Variants in SRGAP1 observed in about 807,000 individuals in gnomAD.
SRGAP1 encodes the protein SLIT-ROBO Rho GTPase-activating protein 1.
In SRGAP1, 43 loss-of-function variants were observed where a neutral mutation model predicts 121.9. The ratio of observed to expected loss-of-function variants is 0.35; its 90% CI spans 0.28 to 0.46. SRGAP1 has a LOEUF of 0.46. SRGAP1 is among the 20% of genes least tolerant of loss of function. The probability of loss-of-function intolerance (pLI) is 1.00; values close to 1 mark genes in which losing one functional copy is unlikely to be tolerated. For missense variants in SRGAP1, 1,102 were observed against 1,350.9 expected, an observed-to-expected ratio of 0.82 and a Z score of 2.89; for synonymous variants, 447 against 485.4, an observed-to-expected ratio of 0.92 and a Z score of 1.04.
At position 64,018,238 on chromosome 12, in the gene SRGAP1, G is replaced by A. The variant is rs567315487; in HGVS notation, c.489+1226G>A. Among the ~76,000 whole-genome samples the A allele has an allele frequency of 1.2e-3, 183 of 152,104 alleles. 1 individual carries two copies. The highest frequency in any genetic ancestry group is 3.7e-3 in the Admixed American group (57 of 15,268). On this transcript the variant is annotated intron_variant, in intron 4 of 21. Coordinates refer to ENST00000355086, the MANE Select transcript of SRGAP1 (RefSeq NM_020762.4). ...AGAGTAGCTGGGATTACAGGCATGC[G>A]CCAGCATGCCTGGCAAATTTTTTTG...
chr12:63,989,818 G>T, intron 2 of SRGAP1, 92 bp from the exon 3 acceptor site: 1 of 913,864 alleles, frequency 1.1e-6, no homozygotes, highest in Non-Finnish European at 1.7e-6. Context: ...GTATCCATCT[G>T]TTGTGGTTCT....
At chr12:63,876,687 T>G (rs1013364275) in intron 1 of SRGAP1, among the ~76,000 whole-genome samples, 3 of 152,222 alleles carry the variant, frequency 2.0e-5, no homozygotes, top group African/African-American at 7.2e-5. Context: ...TACGCTCATG[T>G]TGACTTCTAA....
At chr12:63,858,286 C>T (rs1338065671) in intron 1 of SRGAP1, among the ~76,000 whole-genome samples, 1 of 151,068 alleles carries the variant, frequency 6.6e-6, no homozygotes, top group African/African-American at 2.4e-5. Flanking sequence ...AAAAAACAGA[C>T]CTATGATTTT....
At chr12:63,980,155 C>T (rs1032048649) in intron 1 of SRGAP1, among the ~76,000 whole-genome samples, 2 of 152,182 alleles carry the variant, frequency 1.3e-5, no homozygotes, top group African/African-American at 2.4e-5. Flanking sequence ...AGGGCTCAAG[C>T]GATCCTTGCA....
chr12:63,907,865 G>C (rs1182903826), intron 1 of SRGAP1, among the ~76,000 whole-genome samples: 2 of 152,138 alleles, frequency 1.3e-5, no homozygotes, highest in Non-Finnish European at 2.9e-5. Context: ...CTCTGATTTT[G>C]TGTTGATTTT....
intron 1 of SRGAP1, among the ~76,000 whole-genome samples, chr12:63,856,378 C>A (rs1318709706): frequency 6.6e-6 from 1 of 152,060 alleles, no homozygotes; most frequent in Non-Finnish European, 1.5e-5. Context: ...TTTAAATAAT[C>A]CTTCCCCACT....
At position 64,032,387 on chromosome 12, in the gene SRGAP1, C is replaced by A. The variant is rs553798317; in HGVS notation, c.490-10403C>A. 6.1e-6 allele frequency: 3 copies of A among 492,376 alleles called. No individual in the cohort carries two copies. The East Asian group carries it at 1.1e-4, about 19-fold the overall frequency. The allele number at this position is 492,376 out of a possible 1,614,324, so 30.5% of individuals were successfully genotyped here. A position where few individuals can be genotyped will look rare whatever the true frequency, so the allele number is the denominator to read the frequency against. On this transcript the variant is annotated intron_variant, in intron 4 of 21. Transcript: ENST00000355086. ...AGTATGAGATACTTTCATTTTTTTA[C>A]AAATAGTTAAAAACTCTGCCTCATC... is the stretch of plus-strand genomic sequence containing the variant.
At chr12:63,955,907 GATT>G (rs1459588378) in intron 1 of SRGAP1, among the ~76,000 whole-genome samples, 1 of 152,126 alleles carries the variant, frequency 6.6e-6, no homozygotes, top group Non-Finnish European at 1.5e-5. Flanking sequence ...GTACAGTTCT[GATT>G]ATAAATCACT....
intron 4 of SRGAP1, among the ~76,000 whole-genome samples, chr12:64,034,147 C>G (rs1186440841): frequency 2.0e-5 from 3 of 152,120 alleles, no homozygotes; most frequent in Non-Finnish European, 4.4e-5. Context: ...GGAGGTGGGA[C>G]CTGGTGGGAG....
At chr12:63,918,827 TGTG>T (rs1369374911) in intron 1 of SRGAP1, among the ~76,000 whole-genome samples, 1 of 152,186 alleles carries the variant, frequency 6.6e-6, no homozygotes, top group Non-Finnish European at 1.5e-5. Flanking sequence ...CTGGAAATAC[TGTG>T]GTGAACAAGA....
intron 2 of SRGAP1, among the ~76,000 whole-genome samples, chr12:63,986,809 C>A (rs1405226669): frequency 6.6e-6 from 1 of 152,122 alleles, no homozygotes; most frequent in Non-Finnish European, 1.5e-5. Flanking sequence ...GGTCCATGTA[C>A]CTTATCTGGC....
At chr12:64,001,698 A>G (rs1290026267) in intron 3 of SRGAP1, among the ~76,000 whole-genome samples, 3 of 152,226 alleles carry the variant, frequency 2.0e-5, no homozygotes, top group African/African-American at 7.2e-5. Flanking sequence ...GAAAGAACAC[A>G]GCCAAGCCAG....
chr12:63,849,640 A>G (rs1899010965), intron 1 of SRGAP1, among the ~76,000 whole-genome samples: 1 of 152,234 alleles, frequency 6.6e-6, no homozygotes, highest in Non-Finnish European at 1.5e-5. Context: ...GCATCATGCC[A>G]TAGCAATATG....
At chr12:64,070,805 T>G (rs1241018463) in intron 8 of SRGAP1, among the ~76,000 whole-genome samples, 1 of 152,224 alleles carries the variant, frequency 6.6e-6, no homozygotes, top group Non-Finnish European at 1.5e-5. Flanking sequence ...TTATACTTCC[T>G]TCCTAGGGTA....
intron 1 of SRGAP1, among the ~76,000 whole-genome samples, chr12:63,955,709 GA>G (rs143763649): frequency 0.011 from 1,495 of 137,568 alleles, 8 homozygotes; most frequent in South Asian, 0.049. Flanking sequence ...TTTTATTTTT[GA>G]AAAAAAAAAA....
At chr12:63,944,905 C>T (rs989221279) in intron 1 of SRGAP1, among the ~76,000 whole-genome samples, 5 of 152,180 alleles carry the variant, frequency 3.3e-5, no homozygotes, top group Non-Finnish European at 7.3e-5. Context: ...TCACCCCACC[C>T]GGGCAGCAAG....
rs1464024348 is a variant in SRGAP1, at chr12:64,154,024, G to A, written c.*11352G>A. The A allele has an allele frequency of 6.6e-6, 1 of 152,198 alleles. No individual in the cohort carries two copies. Among genetic ancestry groups the A allele is most frequent in the Admixed American group, 6.5e-5 (1 of 15,280 alleles). 9.4% of individuals were successfully genotyped at this position (152,198 alleles called of 1,614,324 possible). A position where few individuals can be genotyped will look rare whatever the true frequency, so the allele number is the denominator to read the frequency against. On this transcript the variant is annotated 3_prime_UTR_variant, in exon 22 of 22. Coordinates refer to ENST00000355086, the MANE Select transcript of SRGAP1 (RefSeq NM_020762.4). The stretch of plus-strand genomic sequence containing the variant: ...ATGAAACTTAAGGATACTAAGCTAA[G>A]TGAAATGAGCCAATCAATAAAGGAC...
At chr12:63,941,679 A>G (rs77469213) in intron 1 of SRGAP1, among the ~76,000 whole-genome samples, 1 of 138,154 alleles carries the variant, frequency 7.2e-6, no homozygotes, top group Non-Finnish European at 1.5e-5. Flanking sequence ...CCAGTTAGAA[A>G]AAAAAAAAAA....
intron 10 of SRGAP1, among the ~76,000 whole-genome samples, chr12:64,084,271 A>G (rs947291908): frequency 4.6e-5 from 7 of 152,100 alleles, no homozygotes; most frequent in Non-Finnish European, 8.8e-5. Flanking sequence ...CTGAAAAAAA[A>G]TGTTTGAACC....
Sources: gnomAD v4.1 joint callset for allele counts (sites outside exome capture counted in the v4.1 genomes callset) on GRCh38, gnomAD v4.1.1 for gene constraint, MANE v1.5 for transcripts, NCBI Gene and HGNC (gene_info 2026-07-23, HGNC 2026-07-21) for gene names.